FAF1: variants seen among roughly 807,000 people sequenced by gnomAD.
The protein encoded by FAF1 is Fas associated factor 1.
FAF1 carries 25 observed loss-of-function variants against 92.5 expected under a neutral mutation model. The observed-to-expected ratio is 0.27, with a 90% CI of 0.20 to 0.38. FAF1 has a LOEUF of 0.38. FAF1 is among the 10% of genes least tolerant of loss of function. The pLI is 1.00. For synonymous variants in FAF1, 234 were observed against 273.2 expected (o/e 0.86, Z 1.42); for missense variants, 636 against 793.3 (o/e 0.80, Z 2.38).
At chr1:50,701,613 A>C (rs574625952) in intron 7 of FAF1, among the ~76,000 whole-genome samples, 3 of 152,086 alleles carry the variant, frequency 2.0e-5, no homozygotes, top group African/African-American at 7.2e-5. Flanking sequence ...AGAATAATAG[A>C]CACAACATAC....
At chr1:50,870,216 G>A (rs1333190329) in intron 1 of FAF1, among the ~76,000 whole-genome samples, 1 of 152,210 alleles carries the variant, frequency 6.6e-6, no homozygotes, top group African/African-American at 2.4e-5. Context: ...TAGCACTTTG[G>A]GAGGCCAAGG....
intron 18 of FAF1, among the ~76,000 whole-genome samples, chr1:50,474,713 A>G (rs781010784): frequency 1.3e-5 from 2 of 152,178 alleles, no homozygotes; most frequent in Non-Finnish European, 2.9e-5. Flanking sequence ...CTGCAGCTTC[A>G]TTTTGTGTAA....
chr1:50,509,723 T>C (rs1647109004), intron 15 of FAF1, among the ~76,000 whole-genome samples: 2 of 152,212 alleles, frequency 1.3e-5, no homozygotes, highest in African/African-American at 2.4e-5. Flanking sequence ...CAGTCCTCCT[T>C]TCATCTTGGT....
At position 50,788,225 on chromosome 1, in the gene FAF1, G is replaced by A. The variant is rs928837496; in HGVS notation, c.162-20C>T. On this transcript the variant is annotated intron_variant, in intron 3 of 18. Transcript: ENST00000396153. ...TATTCACTAAAATGTTGACATAAAA[G>A]AAGGATTATTGTCAACTAAATCATT... is the stretch of plus-strand genomic sequence containing the variant. 5.6e-6 allele frequency: 9 copies of A among 1,596,014 alleles called. No individual in the cohort carries two copies. The highest frequency in any genetic ancestry group is 6.0e-6 in the Non-Finnish European group (7 of 1,163,700).
intron 1 of FAF1, among the ~76,000 whole-genome samples, chr1:50,869,130 TTATCTTTGGTAATA>T (rs1332989198): frequency 1.3e-5 from 2 of 152,288 alleles, no homozygotes; most frequent in Admixed American, 1.3e-4. Flanking sequence ...TATGTTTCTT[TTATCTTTGGTAATA>T]TGCCTTGTAC....
chr1:50,442,434 G>A (rs1445353307), intron 18 of FAF1, among the ~76,000 whole-genome samples: 1 of 152,210 alleles, frequency 6.6e-6, no homozygotes, highest in Non-Finnish European at 1.5e-5. Flanking sequence ...CTCATTGTGA[G>A]AATTAAATGA....
At chr1:50,693,779 C>A (rs1301927481) in intron 7 of FAF1, among the ~76,000 whole-genome samples, 1 of 151,990 alleles carries the variant, frequency 6.6e-6, no homozygotes, top group African/African-American at 2.4e-5. Context: ...TTTACTTATA[C>A]AGTCACTGCC....
At chr1:50,789,643 C>T (rs1011476586) in intron 3 of FAF1, among the ~76,000 whole-genome samples, 2 of 152,196 alleles carry the variant, frequency 1.3e-5, no homozygotes, top group Non-Finnish European at 2.9e-5. Context: ...TAACTAATCC[C>T]TTTATATGTA....
intron 8 of FAF1, among the ~76,000 whole-genome samples, chr1:50,652,627 C>T (rs1329995994): frequency 6.6e-6 from 1 of 152,106 alleles, no homozygotes; most frequent in Non-Finnish European, 1.5e-5. Context: ...CAAATATATA[C>T]AAAAGTTGAG....
intron 6 of FAF1, among the ~76,000 whole-genome samples, chr1:50,735,864 G>A (rs982124249): frequency 1.3e-5 from 2 of 151,992 alleles, no homozygotes; most frequent in Non-Finnish European, 2.9e-5. Flanking sequence ...CTACAGGTAC[G>A]TGCCACAACA....
intron 15 of FAF1, among the ~76,000 whole-genome samples, chr1:50,506,015 TC>T (rs1647053766): frequency 6.6e-6 from 1 of 152,216 alleles, no homozygotes; most frequent in African/African-American, 2.4e-5. Context: ...GTCAAAGGTC[TC>T]AGAGCAGCCT....
intron 2 of FAF1, among the ~76,000 whole-genome samples, chr1:50,849,696 TCAGTTTTGG>T (rs1474650920): frequency 1.3e-5 from 2 of 152,112 alleles, no homozygotes; most frequent in Non-Finnish European, 2.9e-5. Flanking sequence ...GAACTATACG[TCAGTTTTGG>T]CATAAGTAAA....
intron 2 of FAF1, among the ~76,000 whole-genome samples, chr1:50,818,105 A>T (rs887423857): frequency 1.5e-4 from 23 of 152,134 alleles, no homozygotes; most frequent in African/African-American, 5.1e-4. Context: ...CGTATCTGTC[A>T]AAACTTATCA....
chr1:50,663,356 G>GAA (rs1271636519), intron 7 of FAF1, among the ~76,000 whole-genome samples: 1 of 150,484 alleles, frequency 6.6e-6, no homozygotes, highest in East Asian at 1.9e-4. Context: ...AAGCTCTTTA[G>GAA]ATAACTCTTA....
intron 18 of FAF1, among the ~76,000 whole-genome samples, chr1:50,447,835 C>T (rs973013283): frequency 6.6e-6 from 1 of 152,116 alleles, no homozygotes; most frequent in South Asian, 2.1e-4. Flanking sequence ...TTCAGAAAAC[C>T]CTCTCCTCTC....
intron 15 of FAF1, among the ~76,000 whole-genome samples, chr1:50,499,837 A>G (rs928077591): frequency 2.3e-4 from 35 of 152,264 alleles, no homozygotes; most frequent in African/African-American, 8.4e-4. Context: ...AGCTGTAAAC[A>G]CCACTGCATT....
At chr1:50,526,856 G>A (rs1034711923) in intron 15 of FAF1, among the ~76,000 whole-genome samples, 1 of 149,246 alleles carries the variant, frequency 6.7e-6, no homozygotes, top group African/African-American at 2.5e-5. Context: ...GTTACCTGAC[G>A]ACTTTTTTTT....
At chr1:50,729,367 TTTA>T (rs1369883888) in intron 6 of FAF1, among the ~76,000 whole-genome samples, 2 of 147,794 alleles carry the variant, frequency 1.4e-5, no homozygotes, top group Non-Finnish European at 3.0e-5. Context: ...TCTACTCATT[TTTA>T]TTATCTATGG....
At chr1:50,719,639 A>G (rs1658326096) in intron 6 of FAF1, among the ~76,000 whole-genome samples, 1 of 152,212 alleles carries the variant, frequency 6.6e-6, no homozygotes. Context: ...TGATGCATCA[A>G]GTAGTACATG....
Sources: gnomAD v4.1 joint callset for allele counts (sites outside exome capture counted in the v4.1 genomes callset) on GRCh38, gnomAD v4.1.1 for gene constraint, MANE v1.5 for transcripts, NCBI Gene and HGNC (gene_info 2026-07-23, HGNC 2026-07-21) for gene names.